Variants in LSAMP observed in about 807,000 individuals in gnomAD.
The protein encoded by LSAMP is limbic system associated membrane protein.
In LSAMP, 7 loss-of-function variants were observed where a neutral mutation model predicts 38.6. The observed-to-expected ratio is 0.18, with a 90% CI of 0.10 to 0.34. The LOEUF is 0.34. Among genes scored for constraint, LSAMP ranks in the 10% least tolerant of loss-of-function variants. The pLI is 1.00. For missense variants in LSAMP, 313 were observed against 420.0 expected (o/e 0.75, Z 2.23); for synonymous variants, 154 against 166.8 (o/e 0.92, Z 0.59).
At chr3:116,438,118 T>C (rs935276814) in intron 1 of LSAMP, among the ~76,000 whole-genome samples, 1 of 148,252 alleles carries the variant, frequency 6.7e-6, no homozygotes, top group East Asian at 2.0e-4. Flanking sequence ...CTCAACTATA[T>C]CGTAAGATAC....
intron 4 of LSAMP, among the ~76,000 whole-genome samples, chr3:115,852,157 C>G (rs1416965039): frequency 1.3e-5 from 2 of 152,124 alleles, no homozygotes; most frequent in Non-Finnish European, 2.9e-5. Context: ...GTTGTTTTTT[C>G]TAAAGTAGTA....
At chr3:115,887,090 C>T (rs1936473910) in intron 3 of LSAMP, among the ~76,000 whole-genome samples, 1 of 151,770 alleles carries the variant, frequency 6.6e-6, no homozygotes, top group African/African-American at 2.4e-5. Flanking sequence ...TTCTTTGAAC[C>T]CCCTTGACCT....
At chr3:116,248,514 T>A (rs1347562789) in intron 1 of LSAMP, among the ~76,000 whole-genome samples, 2 of 151,454 alleles carry the variant, frequency 1.3e-5, no homozygotes, top group East Asian at 1.9e-4. Context: ...TGTGTGTGTG[T>A]GTGTGTGTGT....
At chr3:116,387,472 C>T (rs1559849975) in intron 1 of LSAMP, among the ~76,000 whole-genome samples, 1 of 151,960 alleles carries the variant, frequency 6.6e-6, no homozygotes, top group Non-Finnish European at 1.5e-5. Context: ...AACCATAGTC[C>T]AAATATCACA....
At chr3:116,176,893 A>G (rs534970487) in intron 1 of LSAMP, among the ~76,000 whole-genome samples, 1 of 152,276 alleles carries the variant, frequency 6.6e-6, no homozygotes, top group African/African-American at 2.4e-5. Context: ...GCGTTCTTTA[A>G]GGTTAGTATT....
intron 3 of LSAMP, among the ~76,000 whole-genome samples, chr3:115,913,448 G>GC (rs1937178083): frequency 6.6e-6 from 1 of 152,182 alleles, no homozygotes; most frequent in Non-Finnish European, 1.5e-5. Context: ...TTTATTGAAT[G>GC]CACCACAGGG....
intron 1 of LSAMP, among the ~76,000 whole-genome samples, chr3:116,382,133 G>C (rs2048567366): frequency 6.6e-6 from 1 of 151,992 alleles, no homozygotes; most frequent in South Asian, 2.1e-4. Flanking sequence ...AATACCATTT[G>C]ACCCAGCCAT....
At chr3:115,900,803 C>G (rs890262595) in intron 3 of LSAMP, among the ~76,000 whole-genome samples, 4 of 152,264 alleles carry the variant, frequency 2.6e-5, no homozygotes, top group Middle Eastern at 3.4e-3. Context: ...AGGTACCTTA[C>G]TGGGCCTTTG....
intron 1 of LSAMP, among the ~76,000 whole-genome samples, chr3:116,304,079 CAACTTGGTCTGCT>C (rs2047450434): frequency 6.6e-6 from 1 of 152,112 alleles, no homozygotes; most frequent in Non-Finnish European, 1.5e-5. Context: ...TGTGCTAACT[CAACTTGGTCTGCT>C]TACTTGGTAA....
At chr3:115,849,371 CTCT>C (rs377230444) in intron 4 of LSAMP, among the ~76,000 whole-genome samples, 22 of 152,298 alleles carry the variant, frequency 1.4e-4, no homozygotes, top group African/African-American at 5.1e-4. Context: ...TGTTATGTCT[CTCT>C]TCTTTACTGC....
intron 1 of LSAMP, among the ~76,000 whole-genome samples, chr3:116,220,376 C>T (rs112229820): frequency 0.079 from 11,922 of 151,594 alleles, 605 homozygotes; most frequent in African/African-American, 0.14. Flanking sequence ...CACACACACA[C>T]ACACACACAC....
rs114116546 is a variant in LSAMP at position 116,003,565 on chromosome 3, C to T, written c.514+15950G>A. On this transcript the variant is annotated intron_variant, in intron 3 of 6. Transcript: ENST00000490035. ...ATATACAAGTCCTTACCCCCAGTACCAGTGAATGTGACCTTATTTGGAAAA... is the reference window on the plus strand; with the variant it reads ...ATATACAAGTCCTTACCCCCAGTACTAGTGAATGTGACCTTATTTGGAAAA... Among the ~76,000 whole-genome samples the T allele has an allele frequency of 6.6e-3, 1,007 of 152,238 alleles. 5 individuals carry two copies. Among genetic ancestry groups the T allele is most frequent in the African/African-American group, 0.022 (918 of 41,538 alleles).
intron 1 of LSAMP, among the ~76,000 whole-genome samples, chr3:116,250,055 T>C (rs2046659349): frequency 6.6e-6 from 1 of 152,182 alleles, no homozygotes; most frequent in Non-Finnish European, 1.5e-5. Flanking sequence ...AGCTATTTCA[T>C]AGTAGTGTAC....
intron 1 of LSAMP, among the ~76,000 whole-genome samples, chr3:116,283,933 G>A (rs1219284283): frequency 6.6e-6 from 1 of 152,122 alleles, no homozygotes; most frequent in Non-Finnish European, 1.5e-5. Context: ...TTGAACCCAG[G>A]AGGCGGAGGT....
At chr3:116,107,012 T>C (rs540071484) in intron 1 of LSAMP, among the ~76,000 whole-genome samples, 2 of 152,326 alleles carry the variant, frequency 1.3e-5, no homozygotes, top group East Asian at 3.9e-4. Flanking sequence ...TGGCTTATAC[T>C]ATAGCATAGC....
At chr3:116,001,130 G>A (rs909941817) in intron 3 of LSAMP, among the ~76,000 whole-genome samples, 53 of 152,040 alleles carry the variant, frequency 3.5e-4, no homozygotes, top group African/African-American at 1.3e-3. Flanking sequence ...TGTTCACAAT[G>A]ATTACCCCGA....
intron 2 of LSAMP, among the ~76,000 whole-genome samples, chr3:116,024,551 A>G (rs1940733477): frequency 6.6e-6 from 1 of 152,180 alleles, no homozygotes; most frequent in South Asian, 2.1e-4. Flanking sequence ...TAACTTCTTC[A>G]ACTACAGGCT....
chr3:115,910,192 C>G (rs1268286312), intron 3 of LSAMP, among the ~76,000 whole-genome samples: 1 of 152,094 alleles, frequency 6.6e-6, no homozygotes, highest in Non-Finnish European at 1.5e-5. Context: ...GAAGTAGAAT[C>G]CAGGTCTTTT....
At chr3:116,404,942 T>C (rs139496581) in intron 1 of LSAMP, among the ~76,000 whole-genome samples, 2 of 152,248 alleles carry the variant, frequency 1.3e-5, no homozygotes, top group African/African-American at 4.8e-5. Context: ...ACCTCAGGAC[T>C]TGAGATATGT....
Sources: allele counts gnomAD v4.1 joint callset (sites outside exome capture counted in the v4.1 genomes callset), GRCh38; gene constraint gnomAD v4.1.1; transcripts MANE v1.5; gene names NCBI Gene and HGNC (gene_info 2026-07-23, HGNC 2026-07-21).